MECOM: variants seen among roughly 807,000 people sequenced by gnomAD.
The protein encoded by MECOM is histone-lysine N-methyltransferase MECOM.
MECOM carries 13 observed loss-of-function variants against 116.3 expected under a neutral mutation model. The ratio of observed to expected loss-of-function variants is 0.11; its 90% CI spans 0.07 to 0.18. MECOM has a LOEUF of 0.18. MECOM is among the 10% of genes least tolerant of loss of function. The pLI, the probability that MECOM is intolerant of heterozygous loss-of-function variation, is 1.00. For synonymous variants in MECOM, 528 were observed against 535.2 expected (o/e 0.99, Z 0.19); for missense variants, 1,299 against 1,509.0 (o/e 0.86, Z 2.31).
chr3:169,254,254 C>G (rs1756597972), intron 2 of MECOM, among the ~76,000 whole-genome samples: 1 of 152,172 alleles, frequency 6.6e-6, no homozygotes, highest in South Asian at 2.1e-4. Context: ...CCAAGTAGCA[C>G]ATCCACATTC....
intron 2 of MECOM, chr3:169,146,705 A>G (rs949359732): frequency 7.9e-7 from 1 of 1,259,084 alleles, no homozygotes; most frequent in African/African-American, 1.6e-5. Context: ...TTCCTTTTAA[A>G]GTGAGGAGTT....
intron 12 of MECOM, 137 bp from the exon 13 acceptor site, chr3:169,095,382 C>T: frequency 1.6e-6 from 1 of 609,954 alleles, no homozygotes; most frequent in Non-Finnish European, 2.7e-6. Flanking sequence ...ATACTATTCA[C>T]ACAATTAAGA....
At chr3:169,493,979 A>G (rs1918964) in intron 1 of MECOM, among the ~76,000 whole-genome samples, 52,013 of 151,896 alleles carry the variant, frequency 0.34, 9,525 homozygotes, top group Non-Finnish European at 0.42. Flanking sequence ...AACGGTAGGA[A>G]AGAATACAGA....
chr3:169,098,988 T>C (rs1722632059), intron 12 of MECOM, among the ~76,000 whole-genome samples: 1 of 152,198 alleles, frequency 6.6e-6, no homozygotes, highest in Non-Finnish European at 1.5e-5. Flanking sequence ...ATCTATCTAG[T>C]TCACTATATC....
intron 1 of MECOM, among the ~76,000 whole-genome samples, chr3:169,386,423 C>A (rs1003500805): frequency 1.3e-5 from 2 of 152,130 alleles, no homozygotes; most frequent in African/African-American, 2.4e-5. Flanking sequence ...AACTCTTAGG[C>A]AACTTGTTTT....
intron 2 of MECOM, among the ~76,000 whole-genome samples, chr3:169,346,937 A>T (rs1725464210): frequency 6.6e-6 from 1 of 152,130 alleles, no homozygotes; most frequent in Non-Finnish European, 1.5e-5. Flanking sequence ...ATAGCAAAAA[A>T]GAAATAAAAA....
At chr3:169,100,101 C>CTTTTTTTTTTTTTTTTTTTTTTTTT (rs869032341) in intron 12 of MECOM, among the ~76,000 whole-genome samples, 1 of 50,632 alleles carries the variant, frequency 2.0e-5, no homozygotes, top group Non-Finnish European at 3.6e-5. Flanking sequence ...TTCTTTCTTT[C>CTTTTTTTTTTTTTTTTTTTTTTTTT]TTTTTTTTTT....
At chr3:169,138,131 T>C (rs968545466) in intron 3 of MECOM, among the ~76,000 whole-genome samples, 1 of 152,148 alleles carries the variant, frequency 6.6e-6, no homozygotes, top group African/African-American at 2.4e-5. Context: ...TCCTCCTTCA[T>C]GGCTTGTAAA....
intron 1 of MECOM, among the ~76,000 whole-genome samples, chr3:169,542,532 T>C (rs553500604): frequency 9.2e-5 from 14 of 152,216 alleles, no homozygotes; most frequent in Non-Finnish European, 1.8e-4. Flanking sequence ...AGTCTCCTTT[T>C]AGAGCAGGTT....
chr3:169,164,734 A>G (rs1312876806), intron 2 of MECOM, among the ~76,000 whole-genome samples: 18 of 151,422 alleles, frequency 1.2e-4, no homozygotes, highest in Non-Finnish European at 3.0e-5. Flanking sequence ...TTTGATTTTA[A>G]CATTATGTCA....
chr3:169,433,665 G>GA (rs1311489530), intron 1 of MECOM, among the ~76,000 whole-genome samples: 1 of 141,064 alleles, frequency 7.1e-6, no homozygotes, highest in Non-Finnish European at 1.5e-5. Flanking sequence ...AAGAAAGAAA[G>GA]AAAGAAAGAA....
intron 1 of MECOM, among the ~76,000 whole-genome samples, chr3:169,649,630 G>A (rs1334079282): frequency 6.6e-6 from 1 of 152,044 alleles, no homozygotes; most frequent in Non-Finnish European, 1.5e-5. Flanking sequence ...CCTTACATAT[G>A]CTAGGTACTT....
chr3:169,603,411 T>C (rs1426010435), intron 1 of MECOM, among the ~76,000 whole-genome samples: 1 of 152,136 alleles, frequency 6.6e-6, no homozygotes, highest in African/African-American at 2.4e-5. Flanking sequence ...TACCATACGC[T>C]AAGATTAATT....
chr3:169,090,061 G>A lies in MECOM; in HGVS notation c.3340C>T (p.Pro1114Ser). 4 of 1,613,356 alleles carry A rather than the reference G, an allele frequency of 2.5e-6. No homozygotes were observed. Among genetic ancestry groups the A allele is most frequent in the Non-Finnish European group, 2.5e-6 (3 of 1,179,644 alleles). Residue 1114 changes from proline (P) to serine (S), a missense_variant, in exon 15 of 17, where the codon CCT (proline) becomes TCT (serine). By Grantham distance (74) the Pro-to-Ser change is moderately conservative (BLOSUM62 -1). Around this residue, in one of 6 missense-constraint regions of MECOM, gnomAD observed 273 missense variants for 289.3 expected, o/e 0.94. Transcript: ENST00000651503. Reference protein sequence around the residue: ...PVTSNLHEGNPEDDYEETSAL... With the variant: ...PVTSNLHEGNSEDDYEETSAL... ...CTGGTTTCTTCATAGTCATCCTCAGGGTTTCCTTCATGTAAATTACTTGTC... is the reference window on the plus strand; with the variant it reads ...CTGGTTTCTTCATAGTCATCCTCAGAGTTTCCTTCATGTAAATTACTTGTC...
At chr3:169,369,862 T>C (rs1729799631) in intron 2 of MECOM, among the ~76,000 whole-genome samples, 1 of 152,052 alleles carries the variant, frequency 6.6e-6, no homozygotes, top group African/African-American at 2.4e-5. Context: ...TAATGTAGGC[T>C]TTTATAGTAA....
At chr3:169,554,353 A>G (rs1346396122) in intron 1 of MECOM, among the ~76,000 whole-genome samples, 2 of 152,224 alleles carry the variant, frequency 1.3e-5, no homozygotes, top group Admixed American at 6.5e-5. Flanking sequence ...TACATTAAAC[A>G]ACATCACTTC....
intron 13 of MECOM, among the ~76,000 whole-genome samples, chr3:169,093,401 T>A (rs1225776071): frequency 6.6e-6 from 1 of 152,202 alleles, no homozygotes; most frequent in Non-Finnish European, 1.5e-5. Flanking sequence ...TGTATTCACA[T>A]AATGAGAATT....
intron 1 of MECOM, among the ~76,000 whole-genome samples, chr3:169,501,258 T>C (rs752473441): frequency 6.6e-6 from 1 of 152,068 alleles, no homozygotes; most frequent in African/African-American, 2.4e-5. Context: ...CATGACTCTG[T>C]ATAATGTAAT....
rs75497716 is a variant in MECOM, at chr3:169,654,702, A to T, written c.37+8634T>A. Among the ~76,000 whole-genome samples the T allele has an allele frequency of 9.1e-4, 138 of 152,278 alleles. 2 individuals carry two copies. The East Asian group carries it at 0.022, about 25-fold the overall frequency. On this transcript the variant is annotated intron_variant, in intron 1 of 16. Coordinates refer to ENST00000651503, the MANE Select transcript of MECOM (RefSeq NM_004991.4). ...TTCAGTTTATTTTCTTAAGCCAATT[A>T]ATGATGAAACGGCATGGAGGGAAAG... is the stretch of plus-strand genomic sequence containing the variant.
Sources: allele counts gnomAD v4.1 joint callset (sites outside exome capture counted in the v4.1 genomes callset), GRCh38; gene constraint gnomAD v4.1.1; regional missense constraint gnomAD v4.1.1; transcripts MANE v1.5; gene names NCBI Gene and HGNC (gene_info 2026-07-23, HGNC 2026-07-21).